Variants in RBFOX1 observed in about 807,000 individuals in gnomAD.
RBFOX1 encodes the protein RNA binding protein fox-1 homolog 1.
In RBFOX1, 8 loss-of-function variants were observed where a neutral mutation model predicts 57.7. The observed-to-expected ratio is 0.14, with a 90% CI of 0.08 to 0.25. The LOEUF is 0.25. Among genes scored for constraint, RBFOX1 ranks in the 10% least tolerant of loss-of-function variants. The probability of loss-of-function intolerance (pLI) is 1.00; values close to 1 mark genes in which losing one functional copy is unlikely to be tolerated. For missense variants in RBFOX1, 611 were observed against 548.5 expected, an observed-to-expected ratio of 1.11 and a Z score of -1.14; for synonymous variants, 326 against 222.4, an observed-to-expected ratio of 1.47 and a Z score of -4.15.
chr16:5,731,283 A>G (rs964353401), intron 3 of RBFOX1, among the ~76,000 whole-genome samples: 3 of 151,870 alleles, frequency 2.0e-5, no homozygotes, highest in East Asian at 1.9e-4. Flanking sequence ...CATCATTGTC[A>G]TCACTATCAC....
chr16:5,942,476 A>G (rs1293665872), intron 4 of RBFOX1, among the ~76,000 whole-genome samples: 1 of 152,188 alleles, frequency 6.6e-6, no homozygotes, highest in Non-Finnish European at 1.5e-5. Flanking sequence ...TAGGTTCTAC[A>G]ATAGTAATGT....
chr16:7,449,344 C>T (rs1371484886), intron 4 of RBFOX1, among the ~76,000 whole-genome samples: 1 of 152,082 alleles, frequency 6.6e-6, no homozygotes, highest in African/African-American at 2.4e-5. Context: ...CTCTTCAACC[C>T]ACCATGCCAA....
rs2083657008 is a variant in RBFOX1, at chr16:6,336,168, T to TAC, written c.-64+19112_-64+19113insCA. 1.7e-4 allele frequency among the ~76,000 whole-genome samples: 4 copies of TAC among 23,248 alleles called. No homozygotes were observed. The South Asian group carries it at 4.2e-3, about 24-fold the overall frequency. 15.3% of individuals were successfully genotyped at this position (23,248 alleles called of 152,430 possible). ...ATATACATATACATATATATATATA[T>TAC]ATATATATATATATTTTTTTTTTTT... On this transcript the variant is annotated intron_variant, in intron 2 of 15. Coordinates refer to ENST00000550418, the MANE Select transcript of RBFOX1 (RefSeq NM_018723.4).
intron 2 of RBFOX1, among the ~76,000 whole-genome samples, chr16:5,585,631 C>G (rs1412000306): frequency 3.9e-5 from 6 of 152,196 alleles, no homozygotes; most frequent in Non-Finnish European, 7.3e-5. Flanking sequence ...AAAGGGCTGA[C>G]AAGGCCCCTT....
chr16:6,540,554 G>A (rs1481789854), intron 2 of RBFOX1, among the ~76,000 whole-genome samples: 4 of 143,854 alleles, frequency 2.8e-5, no homozygotes, highest in African/African-American at 1.0e-4. Context: ...CGAGGTTGCA[G>A]TGAGCCGAGA....
chr16:6,231,241 T>G (rs1342681235), intron 1 of RBFOX1, among the ~76,000 whole-genome samples: 3 of 128,366 alleles, frequency 2.3e-5, no homozygotes, highest in East Asian at 4.7e-4. Flanking sequence ...TGTGTGTAGG[T>G]GTGTGTGTGT....
At chr16:6,988,747 G>GTTTTGT (rs1491349866) in intron 3 of RBFOX1, among the ~76,000 whole-genome samples, 9 of 101,386 alleles carry the variant, frequency 8.9e-5, no homozygotes, top group African/African-American at 3.7e-4. Context: ...TTTTTTGTTT[G>GTTTTGT]TTTGTTTTTT....
At chr16:6,218,017 A>G (rs1306040816) in intron 1 of RBFOX1, among the ~76,000 whole-genome samples, 1 of 152,216 alleles carries the variant, frequency 6.6e-6, no homozygotes. Flanking sequence ...TTCTGTCTCA[A>G]AAATAATAAA....
chr16:6,323,696 A>G (rs1359351287), intron 2 of RBFOX1, among the ~76,000 whole-genome samples: 2 of 151,948 alleles, frequency 1.3e-5, no homozygotes, highest in Non-Finnish European at 1.5e-5. Context: ...ATGTTTATTA[A>G]TTTTTCAATT....
chr16:5,402,845 T>C (rs531681671), intron 1 of RBFOX1, among the ~76,000 whole-genome samples: 1 of 152,152 alleles, frequency 6.6e-6, no homozygotes, highest in Non-Finnish European at 1.5e-5. Context: ...CAACCGTCCA[T>C]CCAATATAGA....
intron 2 of RBFOX1, among the ~76,000 whole-genome samples, chr16:6,453,798 C>G (rs2094694254): frequency 6.6e-6 from 1 of 152,112 alleles, no homozygotes; most frequent in African/African-American, 2.4e-5. Context: ...CTCACTGGGA[C>G]TAGTTACATT....
intron 3 of RBFOX1, among the ~76,000 whole-genome samples, chr16:5,853,843 A>G (rs1049000222): frequency 1.3e-5 from 2 of 151,838 alleles, no homozygotes; most frequent in Non-Finnish European, 2.9e-5. Context: ...GCAGCCTTGA[A>G]CTCCTGGCCT....
chr16:5,496,686 G>T (rs12925917), intron 2 of RBFOX1, among the ~76,000 whole-genome samples: 13,713 of 152,114 alleles, frequency 0.09, 693 homozygotes, highest in African/African-American at 0.12. Context: ...GATGGGATGG[G>T]GAAATGGTTT....
intron 4 of RBFOX1, among the ~76,000 whole-genome samples, chr16:5,927,913 A>G (rs190129649): frequency 1.3e-5 from 2 of 152,144 alleles, no homozygotes; most frequent in Admixed American, 6.5e-5. Flanking sequence ...TCCTGGAAAC[A>G]GAGAGTAGAA....
intron 4 of RBFOX1, 81 bp downstream of exon 4, chr16:7,052,179 A>T: frequency 2.0e-6 from 3 of 1,534,836 alleles, no homozygotes; most frequent in Admixed American, 4.6e-5. Flanking sequence ...CTCCCAAGAC[A>T]CGGGTTCTAA....
intron 4 of RBFOX1, among the ~76,000 whole-genome samples, chr16:7,162,971 C>T (rs374189020): frequency 3.9e-5 from 6 of 152,286 alleles, no homozygotes; most frequent in African/African-American, 1.4e-4. Context: ...TTGGGCCAGT[C>T]ACCTGGCATC....
intron 3 of RBFOX1, among the ~76,000 whole-genome samples, chr16:5,766,475 C>T (rs192047653): frequency 6.6e-6 from 1 of 152,056 alleles, no homozygotes; most frequent in East Asian, 1.9e-4. Context: ...GTACCAGCTA[C>T]TTGGGAGGCT....
intron 2 of RBFOX1, among the ~76,000 whole-genome samples, chr16:6,327,818 CTTGACAAAG>C (rs983852404): frequency 6.6e-6 from 1 of 152,158 alleles, no homozygotes; most frequent in African/African-American, 2.4e-5. Context: ...CATGTTATTT[CTTGACAAAG>C]GTTAGGAAAT....
intron 4 of RBFOX1, among the ~76,000 whole-genome samples, chr16:7,496,969 C>G (rs182809168): frequency 5.9e-5 from 9 of 152,186 alleles, no homozygotes; most frequent in Admixed American, 2.0e-4. Context: ...ATCTGTGCTT[C>G]TCTGTCTCCA....
Sources: gnomAD v4.1 joint callset for allele counts (sites outside exome capture counted in the v4.1 genomes callset) on GRCh38, gnomAD v4.1.1 for gene constraint, MANE v1.5 for transcripts, NCBI Gene and HGNC (gene_info 2026-07-23, HGNC 2026-07-21) for gene names.